The following AP1AR variants were observed in gnomAD, a reference collection of about 807,000 sequenced individuals.
The protein encoded by AP1AR is adaptor related protein complex 1 associated regulatory protein, also known as AP-1 complex-associated regulatory protein.
AP1AR carries 29 observed loss-of-function variants against 46.3 expected under a neutral mutation model. That is an observed-to-expected ratio of 0.63 (90% CI 0.47 to 0.85). The LOEUF is 0.85. Among genes scored for constraint, AP1AR ranks in the 40% least tolerant of loss-of-function variants. The probability of loss-of-function intolerance (pLI) is 0.00; values close to 1 mark genes in which losing one functional copy is unlikely to be tolerated. For synonymous variants in AP1AR, 122 were observed against 122.9 expected (o/e 0.99, Z 0.05); for missense variants, 357 against 356.3 (o/e 1.00, Z -0.02).
intron 1 of AP1AR, among the ~76,000 whole-genome samples, chr4:112,233,806 G>A (rs1725123377): frequency 6.6e-6 from 1 of 152,206 alleles, no homozygotes; most frequent in South Asian, 2.1e-4. Context: ...ATGAATCAGC[G>A]TGAGTGTTAA....
At chr4:112,246,303 C>T (rs952799493) in intron 1 of AP1AR, among the ~76,000 whole-genome samples, 2 of 152,026 alleles carry the variant, frequency 1.3e-5, no homozygotes, top group East Asian at 1.9e-4. Context: ...GCCAGGAGTT[C>T]GAGACCAGCC....
intron 1 of AP1AR, among the ~76,000 whole-genome samples, chr4:112,238,282 A>G (rs1256856603): frequency 1.4e-4 from 21 of 152,192 alleles, no homozygotes. Flanking sequence ...ACAAAACTAC[A>G]ATTTCTCCTA....
chr4:112,246,839 C>G (rs530930988), intron 1 of AP1AR, among the ~76,000 whole-genome samples: 1 of 152,310 alleles, frequency 6.6e-6, no homozygotes, highest in Admixed American at 6.5e-5. Context: ...AACCAGGGGA[C>G]TTTTCTACAG....
chr4:112,261,286 G>A (rs1726430349), intron 5 of AP1AR, among the ~76,000 whole-genome samples: 1 of 152,056 alleles, frequency 6.6e-6, no homozygotes, highest in Non-Finnish European at 1.5e-5. Context: ...TACAAAATTA[G>A]CTTGGTATGG....
At chr4:112,241,667 T>TA (rs796422435) in intron 1 of AP1AR, among the ~76,000 whole-genome samples, 20 of 152,364 alleles carry the variant, frequency 1.3e-4, no homozygotes, top group African/African-American at 4.6e-4. Context: ...TTTAGCCAGA[T>TA]ATCTGGGCAT....
At chr4:112,247,775 A>G (rs914297415) in intron 1 of AP1AR, among the ~76,000 whole-genome samples, 1 of 152,226 alleles carries the variant, frequency 6.6e-6, no homozygotes, top group Admixed American at 6.5e-5. Context: ...TGAAGTTGTT[A>G]CAGCTAATAG....
At position 112,270,070 on chromosome 4, in the gene AP1AR, A is replaced by G. The variant is rs189530499; in HGVS notation, c.*1661A>G. 13 of 152,694 alleles carry G rather than the reference A, an allele frequency of 8.5e-5. No individual in the cohort carries two copies. The highest frequency in any genetic ancestry group is 1.9e-4 in the East Asian group (1 of 5,188). The allele number at this position is 152,694 out of a possible 1,614,324, so 9.5% of individuals were successfully genotyped here. A position where few individuals can be genotyped will look rare whatever the true frequency, so the allele number is the denominator to read the frequency against. Reference sequence around the variant, plus strand: ...CTTAAAGGTAATAAGTTATTTGACTATTATTGGTTTTACTCCATAAACATG... The same window carrying G: ...CTTAAAGGTAATAAGTTATTTGACTGTTATTGGTTTTACTCCATAAACATG... On this transcript the variant is annotated 3_prime_UTR_variant, in exon 10 of 10. Coordinates refer to ENST00000274000, the MANE Select transcript of AP1AR (RefSeq NM_018569.6).
chr4:112,253,330 G>T (rs1449552898), intron 2 of AP1AR, 74 bp downstream of exon 2: 1 of 1,092,872 alleles, frequency 9.2e-7, no homozygotes, highest in Admixed American at 2.0e-5. Flanking sequence ...TGTAAAGAGG[G>T]AAAGATCTGG....
At chr4:112,236,266 T>C (rs1424067595) in intron 1 of AP1AR, among the ~76,000 whole-genome samples, 1 of 152,050 alleles carries the variant, frequency 6.6e-6, no homozygotes, top group South Asian at 2.1e-4. Flanking sequence ...CTCTCTCTAT[T>C]GTAGCTCTCA....
rs953837918 is a variant in AP1AR at position 112,269,694 on chromosome 4, A to G, written c.*1285A>G. ...AAAAAAAAATCATGTGGCCCTTTCA[A>G]TATTTGAACTGCTAAGCAATGACAT... On this transcript the variant is annotated 3_prime_UTR_variant, in exon 10 of 10. Transcript: ENST00000274000. 1.6e-4 allele frequency: 24 copies of G among 152,418 alleles called. No homozygotes were observed. The highest frequency in any genetic ancestry group is 2.8e-4 in the Non-Finnish European group (19 of 67,906). The allele number at this position is 152,418 out of a possible 1,614,324, so 9.4% of individuals were successfully genotyped here. A position where few individuals can be genotyped will look rare whatever the true frequency, so the allele number is the denominator to read the frequency against.
In AP1AR at chr4:112,231,972, G is replaced by T; in HGVS notation, c.-120G>T. The stretch of plus-strand genomic sequence containing the variant: ...GCCCTCACGCCGCCGGGCTCTGGCC[G>T]GCCCGCCCTCGGTCCTTGAACCCCA... On this transcript the variant is annotated 5_prime_UTR_variant, in exon 1 of 10. Coordinates refer to ENST00000274000, the MANE Select transcript of AP1AR (RefSeq NM_018569.6). The T allele has an allele frequency of 1.1e-6, 1 of 942,134 alleles. No homozygotes were observed. Among genetic ancestry groups the T allele is most frequent in the South Asian group, 3.9e-5 (1 of 25,802 alleles). The allele number at this position is 942,134 out of a possible 1,614,324, so 58.4% of individuals were successfully genotyped here. A position where few individuals can be genotyped will look rare whatever the true frequency, so the allele number is the denominator to read the frequency against.
intron 1 of AP1AR, among the ~76,000 whole-genome samples, chr4:112,250,518 G>T (rs1437712732): frequency 6.6e-6 from 1 of 152,082 alleles, no homozygotes; most frequent in Non-Finnish European, 1.5e-5. Context: ...ATGTCTGAGG[G>T]TCCTATTCAG....
chr4:112,261,808 A>C (rs925045584), intron 5 of AP1AR, among the ~76,000 whole-genome samples: 6 of 151,310 alleles, frequency 4.0e-5, no homozygotes, highest in African/African-American at 1.2e-4. Flanking sequence ...ATCTCTAAAA[A>C]AAAATACAAA....
chr4:112,232,275 C>T, intron 1 of AP1AR, 101 bp downstream of exon 1: 1 of 1,026,172 alleles, frequency 9.7e-7, no homozygotes, highest in Non-Finnish European at 1.3e-6. Context: ...AGGTGGCGGT[C>T]GAGAGCCCTG....
chr4:112,261,479 T>C (rs567150068), intron 5 of AP1AR, among the ~76,000 whole-genome samples: 13 of 152,212 alleles, frequency 8.5e-5, no homozygotes, highest in Admixed American at 4.6e-4. Flanking sequence ...TTACCCTGTT[T>C]CACAATAAGT....
In AP1AR at chr4:112,273,084, T is replaced by TAACA. The variant is rs1281741849; in HGVS notation, c.*4677_*4680dup. ...CCTAAATGTAAAACAACAACAACAA[T>TAACA]AACAATAAAAATGGAGAGAAACAGA... On this transcript the variant is annotated 3_prime_UTR_variant, in exon 10 of 10. Transcript: ENST00000274000. 1 of 151,802 alleles carries TAACA rather than the reference T, an allele frequency of 6.6e-6. No individual in the cohort carries two copies. The allele number at this position is 151,802 out of a possible 1,614,324, so 9.4% of individuals were successfully genotyped here.
intron 7 of AP1AR, 65 bp downstream of exon 7, chr4:112,265,132 C>G (rs1726645928): frequency 1.6e-6 from 2 of 1,265,378 alleles, no homozygotes; most frequent in African/African-American, 3.0e-5. Context: ...TGTAGAGCAT[C>G]ATTCACCTCA....
At chr4:112,261,672 C>T (rs547313471) in intron 5 of AP1AR, among the ~76,000 whole-genome samples, 6 of 151,802 alleles carry the variant, frequency 4.0e-5, no homozygotes, top group African/African-American at 1.5e-4. Flanking sequence ...TGTTTAAGAC[C>T]GGGCTTGGTG....
At position 112,232,125 on chromosome 4, in the gene AP1AR, C is replaced by T. The variant is rs559916283; in HGVS notation, c.34C>T (p.Leu12=). The T allele has an allele frequency of 1.5e-6, 2 of 1,293,830 alleles. No homozygotes were observed. Among genetic ancestry groups the T allele is most frequent in the South Asian group, 2.6e-5 (1 of 38,546 alleles). The allele number at this position is 1,293,830 out of a possible 1,614,324, so 80.1% of individuals were successfully genotyped here. A position where few individuals can be genotyped will look rare whatever the true frequency, so the allele number is the denominator to read the frequency against. Residue 12 remains leucine (L), a synonymous_variant, in exon 1 of 10, where the codon CTG becomes TTG. Coordinates refer to ENST00000274000, the MANE Select transcript of AP1AR (RefSeq NM_018569.6). ...GNCCWTQCFG[L]LRKEAGRLQR... is the part of the protein sequence containing the mutation. The stretch of plus-strand genomic sequence containing the variant: ...CTGCTGCTGGACGCAGTGCTTCGGA[C>T]TGCTTCGCAAGGAAGCGGGGCGGCT...
Sources: gnomAD v4.1 joint callset for allele counts (sites outside exome capture counted in the v4.1 genomes callset) on GRCh38, gnomAD v4.1.1 for gene constraint, MANE v1.5 for transcripts, NCBI Gene and HGNC (gene_info 2026-07-23, HGNC 2026-07-21) for gene names.